The following CDKAL1 variants were observed in gnomAD, a reference collection of about 807,000 sequenced individuals.
CDKAL1 encodes threonylcarbamoyladenosine tRNA methylthiotransferase.
In CDKAL1, 32 loss-of-function variants were observed where a neutral mutation model predicts 68.2. That is an observed-to-expected ratio of 0.47 (90% confidence interval 0.35 to 0.63). CDKAL1 has a LOEUF of 0.63. Ranked by LOEUF, CDKAL1 falls within the 30% of genes least tolerant of loss-of-function variation. The pLI is 0.00. For missense variants in CDKAL1, 606 were observed against 696.7 expected (o/e 0.87, Z 1.47); for synonymous variants, 234 against 244.3 (o/e 0.96, Z 0.39).
intron 13 of CDKAL1, among the ~76,000 whole-genome samples, chr6:21,126,463 C>T (rs1438328690): frequency 3.3e-5 from 5 of 152,160 alleles, no homozygotes; most frequent in African/African-American, 9.7e-5. Flanking sequence ...GCTTTATTAT[C>T]GTTACCCATT....
intron 5 of CDKAL1, among the ~76,000 whole-genome samples, chr6:20,665,791 G>A (rs7752780): frequency 0.4 from 60,021 of 151,574 alleles, 13,009 homozygotes; most frequent in African/African-American, 0.58. Flanking sequence ...ATGGAGATAG[G>A]TTCTAAGGAG....
intron 9 of CDKAL1, among the ~76,000 whole-genome samples, chr6:20,908,146 A>G (rs1274270978): frequency 6.6e-6 from 1 of 152,214 alleles, no homozygotes; most frequent in African/African-American, 2.4e-5. Context: ...AACTACCGCA[A>G]TGTGGAATCT....
At chr6:20,764,189 A>T (rs190617626) in intron 7 of CDKAL1, among the ~76,000 whole-genome samples, 3 of 152,360 alleles carry the variant, frequency 2.0e-5, no homozygotes, top group East Asian at 3.8e-4. Flanking sequence ...TTGTGGAAAG[A>T]TAGTCTAATT....
At chr6:20,678,090 T>TG (rs1581369144) in intron 5 of CDKAL1, among the ~76,000 whole-genome samples, 1 of 121,652 alleles carries the variant, frequency 8.2e-6, no homozygotes, top group Non-Finnish European at 1.6e-5. Flanking sequence ...AGATCTGTGT[T>TG]GTTTTTTTTT....
intron 13 of CDKAL1, among the ~76,000 whole-genome samples, chr6:21,127,146 AT>A (rs955505267): frequency 7.2e-5 from 11 of 152,196 alleles, no homozygotes; most frequent in African/African-American, 2.7e-4. Context: ...GCCAATCAAG[AT>A]TTTTACCCCA....
chr6:20,543,960 A>T (rs542346087), intron 2 of CDKAL1, among the ~76,000 whole-genome samples: 6 of 150,320 alleles, frequency 4.0e-5, no homozygotes, highest in African/African-American at 1.5e-4. Flanking sequence ...CTGTTCTTGA[A>T]CTCCTGACCT....
At chr6:20,951,024 G>A (rs894490945) in intron 9 of CDKAL1, among the ~76,000 whole-genome samples, 2 of 151,970 alleles carry the variant, frequency 1.3e-5, no homozygotes, top group Non-Finnish European at 2.9e-5. Context: ...CACACACCGG[G>A]TAGTGGGAGG....
chr6:21,074,651 T>G (rs957279339), intron 12 of CDKAL1, among the ~76,000 whole-genome samples: 24 of 152,294 alleles, frequency 1.6e-4, no homozygotes, highest in African/African-American at 5.8e-4. Context: ...GCACTGAGTC[T>G]TCTTGGTTCT....
intron 11 of CDKAL1, among the ~76,000 whole-genome samples, chr6:21,013,818 G>T (rs1768151417): frequency 6.6e-6 from 1 of 152,120 alleles, no homozygotes; most frequent in South Asian, 2.1e-4. Context: ...TGATTGGATT[G>T]GTTTGGGCTG....
chr6:20,682,951 C>T (rs1178347384), intron 5 of CDKAL1, among the ~76,000 whole-genome samples: 4 of 126,498 alleles, frequency 3.2e-5, no homozygotes, highest in East Asian at 2.3e-4. Flanking sequence ...CTTTTTCTTT[C>T]TTTTTTTTTT....
chr6:21,153,734 G>C (rs576918455), intron 13 of CDKAL1, among the ~76,000 whole-genome samples: 1 of 152,306 alleles, frequency 6.6e-6, no homozygotes, highest in Non-Finnish European at 1.5e-5. Flanking sequence ...GGTAATAAAA[G>C]AGAGGGAAGA....
intron 6 of CDKAL1, among the ~76,000 whole-genome samples, chr6:20,742,363 T>A (rs1773494872): frequency 1.6e-5 from 1 of 63,256 alleles, no homozygotes; most frequent in Non-Finnish European, 3.3e-5. Flanking sequence ...TTTGTTCATT[T>A]ACAATTGGAG....
intron 13 of CDKAL1, among the ~76,000 whole-genome samples, chr6:21,109,408 G>T (rs1774013324): frequency 6.6e-6 from 1 of 152,316 alleles, no homozygotes; most frequent in Admixed American, 6.5e-5. Context: ...AAAATACAGA[G>T]ATGTCTGGAT....
intron 9 of CDKAL1, among the ~76,000 whole-genome samples, chr6:20,904,527 T>C (rs970493861): frequency 5.3e-5 from 8 of 152,130 alleles, no homozygotes; most frequent in Admixed American, 1.3e-4. Context: ...CGGTGGCTCA[T>C]ACCTGTAATC....
chr6:21,192,188 AT>A (rs1408450824), intron 13 of CDKAL1, among the ~76,000 whole-genome samples: 3 of 143,154 alleles, frequency 2.1e-5, no homozygotes, highest in Admixed American at 2.1e-4. Flanking sequence ...CGCCCGGCTA[AT>A]TTTTTGTATT....
rs76414808 is a variant in CDKAL1 at position 21,225,093 on chromosome 6, C to T, written c.1549-5755C>T. Among the ~76,000 whole-genome samples, 1,410 of 152,262 alleles carry T rather than the reference C, an allele frequency of 9.3e-3. 17 individuals carry two copies. Among genetic ancestry groups the T allele is most frequent in the African/African-American group, 0.031 (1,300 of 41,548 alleles). ...AGGCCACCCCTGCTCAGAAGGAGCA[C>T]GCTTAGGGTGATGCAGGAGCCAGGA... is the stretch of plus-strand genomic sequence containing the variant. On this transcript the variant is annotated intron_variant, in intron 15 of 15. Coordinates refer to ENST00000274695, the MANE Select transcript of CDKAL1 (RefSeq NM_017774.3).
At chr6:21,081,194 T>G (rs1271969845) in intron 12 of CDKAL1, among the ~76,000 whole-genome samples, 1 of 152,228 alleles carries the variant, frequency 6.6e-6, no homozygotes, top group African/African-American at 2.4e-5. Flanking sequence ...TACGAATTTG[T>G]AATTACCAAA....
intron 9 of CDKAL1, among the ~76,000 whole-genome samples, chr6:20,943,523 GGTTCT>G (rs1764093857): frequency 6.6e-6 from 1 of 151,770 alleles, no homozygotes; most frequent in Non-Finnish European, 1.5e-5. Context: ...TGCTTGGTGT[GGTTCT>G]GTTCTGTTCA....
chr6:21,048,112 G>T (rs1770344281), intron 11 of CDKAL1, among the ~76,000 whole-genome samples: 1 of 152,156 alleles, frequency 6.6e-6, no homozygotes, highest in Non-Finnish European at 1.5e-5. Context: ...TAGAATCTCA[G>T]CAGATGATAA....
Sources: allele counts gnomAD v4.1 joint callset (sites outside exome capture counted in the v4.1 genomes callset), GRCh38; gene constraint gnomAD v4.1.1; transcripts MANE v1.5; gene names NCBI Gene and HGNC (gene_info 2026-07-23, HGNC 2026-07-21).